The following PMPCB variants were observed in gnomAD, a reference collection of about 807,000 sequenced individuals.
The protein encoded by PMPCB is peptidase, mitochondrial processing subunit beta, also known as mitochondrial-processing peptidase subunit beta.
Under a neutral mutation model 61.5 loss-of-function variants are expected in PMPCB, and 46 were observed. The observed-to-expected ratio is 0.75, with a 90% CI of 0.59 to 0.96. PMPCB has a LOEUF of 0.96. PMPCB is among the 40% of genes least tolerant of loss of function. PMPCB has a pLI of 0.00. For synonymous variants in PMPCB, 191 were observed against 201.6 expected (o/e 0.95, Z 0.44); for missense variants, 590 against 602.4 (o/e 0.98, Z 0.22).
At chr7:103,315,840 CTTT>C (rs1818021576), downstream of PMPCB, 1 of 1,613,460 alleles carries the variant, frequency 6.2e-7, no homozygotes, top group East Asian at 2.2e-5. Flanking sequence ...TATCAAATGC[CTTT>C]TTATTTATGT....
rs1218418234 is a variant in PMPCB at position 103,329,040 on chromosome 7, A to G, written c.*1541A>G. 4.9e-6 allele frequency: 6 copies of G among 1,231,974 alleles called. No individual in the cohort carries two copies. The East Asian group carries it at 1.8e-4, about 38-fold the overall frequency. The allele number at this position is 1,231,974 out of a possible 1,614,324, so 76.3% of individuals were successfully genotyped here. Reference sequence around the variant, plus strand: ...ACATCCTTTTACCACAGCCTCAGCCACAGTACGTCTAATTATTTAAAATTT... The same window carrying G: ...ACATCCTTTTACCACAGCCTCAGCCGCAGTACGTCTAATTATTTAAAATTT... On this transcript the variant is annotated 3_prime_UTR_variant and NMD_transcript_variant, in exon 13 of 13. Transcript: ENST00000444457.
At chr7:103,323,365 G>A (rs1396891670) in intron 12 of PMPCB, among the ~76,000 whole-genome samples, 1 of 152,110 alleles carries the variant, frequency 6.6e-6, no homozygotes, top group African/African-American at 2.4e-5. Flanking sequence ...TTGCTGAACT[G>A]AGCTATCTGA....
intron 12 of PMPCB, chr7:103,320,771 A>G (rs1818353508): frequency 6.1e-6 from 1 of 164,864 alleles, no homozygotes; most frequent in African/African-American, 2.5e-5. Flanking sequence ...ACATATATAT[A>G]TATATATATA....
At chr7:103,302,881 GAAA>G (rs1051430579) in intron 4 of PMPCB, among the ~76,000 whole-genome samples, 1 of 151,200 alleles carries the variant, frequency 6.6e-6, no homozygotes, top group Non-Finnish European at 1.5e-5. Flanking sequence ...TCTCTTAGGG[GAAA>G]AAAAAGAAAC....
At chr7:103,341,937 C>G in the PMPCB span, 1 of 1,604,390 alleles carries the variant, frequency 6.2e-7, no homozygotes, top group Non-Finnish European at 8.5e-7. Flanking sequence ...ACAGGTTCAA[C>G]TTGACAGAGT....
At chr7:103,339,133 C>T in the PMPCB span, among the ~76,000 whole-genome samples, 3 of 152,158 alleles carry the variant, frequency 2.0e-5, no homozygotes, top group Non-Finnish European at 4.4e-5. Flanking sequence ...AGCTTATGGC[C>T]ATCCTATGGA....
At chr7:103,310,214 A>C in intron 8 of PMPCB, 101 bp from the exon 9 acceptor site, 1 of 812,910 alleles carries the variant, frequency 1.2e-6, no homozygotes, top group Non-Finnish European at 2.0e-6. Context: ...ACTAGGAAAC[A>C]GCCTCTAAGG....
At chr7:103,334,617 T>TA in the PMPCB span, among the ~76,000 whole-genome samples, 641 of 142,160 alleles carry the variant, frequency 4.5e-3, 3 homozygotes, top group African/African-American at 0.015. Context: ...TTTTTTTAAT[T>TA]AAAAAAAAAA....
chr7:103,323,762 TTCC>T, intron 12 of PMPCB: 5 of 940,228 alleles, frequency 5.3e-6, no homozygotes, highest in Non-Finnish European at 5.8e-6. Context: ...ATACCTTTCC[TTCC>T]CTTCTAGTAT....
At position 103,329,065 on chromosome 7, in the gene PMPCB, T is replaced by C. The variant is rs113619836; in HGVS notation, c.*1566T>C. ...ACAGTACGTCTAATTATTTAAAATT[T>C]GTGATTATCGCTGGTGGTCAACAAT... On this transcript the variant is annotated 3_prime_UTR_variant and NMD_transcript_variant, in exon 13 of 13. Transcript: ENST00000444457. 3.5e-5 allele frequency: 38 copies of C among 1,097,318 alleles called. No homozygotes were observed. In the African/African-American group the frequency reaches 4.7e-4, roughly 13 times the overall value. The allele number at this position is 1,097,318 out of a possible 1,614,324, so 68.0% of individuals were successfully genotyped here.
chr7:103,322,921 C>G, intron 12 of PMPCB: 1 of 760,308 alleles, frequency 1.3e-6, no homozygotes, highest in South Asian at 1.9e-5. Flanking sequence ...TCATTACTAA[C>G]ATTAAACAAT....
intron 2 of PMPCB, 46 bp from the exon 3 acceptor site, chr7:103,299,396 CA>C: frequency 8.2e-7 from 1 of 1,215,202 alleles, no homozygotes; most frequent in Non-Finnish European, 1.2e-6. Context: ...CCCCCAACCT[CA>C]AATAAATAAA....
the PMPCB span, chr7:103,341,863 T>G: frequency 6.2e-7 from 1 of 1,613,296 alleles, no homozygotes; most frequent in Non-Finnish European, 8.5e-7. Context: ...TATCCTCCAG[T>G]TCCTGAAAAG....
chr7:103,301,125 G>GTTA (rs1817439421), intron 4 of PMPCB, among the ~76,000 whole-genome samples: 1 of 152,184 alleles, frequency 6.6e-6, no homozygotes, highest in Non-Finnish European at 1.5e-5. Context: ...TCCATTTGAT[G>GTTA]TGCATAGGTG....
At chr7:103,304,358 A>G in intron 5 of PMPCB, 53 bp from the exon 6 acceptor site, 1 of 1,014,150 alleles carries the variant, frequency 9.9e-7, no homozygotes. Context: ...ATATTATGTG[A>G]AGATCTGTTT....
At chr7:103,344,729 T>G in the PMPCB span, 1 of 1,186,494 alleles carries the variant, frequency 8.4e-7, no homozygotes, top group Non-Finnish European at 1.2e-6. Context: ...GCGCCTTGGC[T>G]CTAAGACGCC....
At chr7:103,346,855 AGC>A in the PMPCB span, among the ~76,000 whole-genome samples, 13 of 133,570 alleles carry the variant, frequency 9.7e-5, no homozygotes, top group East Asian at 2.1e-4. Context: ...TGTGTGTGTG[AGC>A]GCGCATGCGT....
chr7:103,298,753 G>C (rs750942524), intron 2 of PMPCB, 45 bp downstream of exon 2: 1 of 1,565,638 alleles, frequency 6.4e-7, no homozygotes, highest in South Asian at 1.2e-5. Flanking sequence ...TTCATTTAGC[G>C]TAGCAAATTG....
chr7:103,316,781 T>C (rs765175057), downstream of PMPCB: 4 of 1,479,686 alleles, frequency 2.7e-6, no homozygotes, highest in Non-Finnish European at 3.7e-6. Flanking sequence ...GTCTACATTA[T>C]CTCCAGGCTC....
Sources: gnomAD v4.1 joint callset for allele counts (sites outside exome capture counted in the v4.1 genomes callset) on GRCh38, gnomAD v4.1.1 for gene constraint, MANE v1.5 for transcripts, NCBI Gene and HGNC (gene_info 2026-07-23, HGNC 2026-07-21) for gene names.